The following LDB2 variants were observed in gnomAD, a reference collection of about 807,000 sequenced individuals.
LDB2 encodes the protein LIM domain binding 2, also known as LIM domain-binding protein 2.
A neutral mutation model predicts 44.3 loss-of-function variants in LDB2; 12 were observed. The observed-to-expected ratio is 0.27, with a 90% CI of 0.17 to 0.44. The LOEUF is 0.44. LDB2 is among the 20% of genes least tolerant of loss of function. The pLI, the probability that LDB2 is intolerant of heterozygous loss-of-function variation, is 1.00. For missense variants in LDB2, 344 were observed against 473.5 expected (o/e 0.73, Z 2.54); for synonymous variants, 164 against 174.8 (o/e 0.94, Z 0.49).
chr4:16,840,114 T>A (rs897319679), intron 1 of LDB2, among the ~76,000 whole-genome samples: 1 of 152,182 alleles, frequency 6.6e-6, no homozygotes, highest in Non-Finnish European at 1.5e-5. Flanking sequence ...GAAGGAAATA[T>A]AATCACTTCA....
At chr4:16,806,877 G>A (rs1778892063) in intron 1 of LDB2, among the ~76,000 whole-genome samples, 1 of 152,146 alleles carries the variant, frequency 6.6e-6, no homozygotes, top group Admixed American at 6.5e-5. Flanking sequence ...CTACACAATA[G>A]TGCTAATAAC....
At chr4:16,813,133 G>A (rs1460800316) in intron 1 of LDB2, among the ~76,000 whole-genome samples, 2 of 151,986 alleles carry the variant, frequency 1.3e-5, no homozygotes, top group African/African-American at 4.8e-5. Context: ...CTAGTAGCTG[G>A]GACTACCATG....
In LDB2 at chr4:16,755,536, AG is replaced by A. The variant is rs1561114736; in HGVS notation, c.235+3621del. ...GTGTGTGTGTGTGTATGTGAGAGAGAGAGAGACAGACAGACAGAGAGAGAGA... is the reference window on the plus strand; with the variant it reads ...GTGTGTGTGTGTGTATGTGAGAGAGAAGAGACAGACAGACAGAGAGAGAGA... On this transcript the variant is annotated intron_variant, in intron 2 of 7. Coordinates refer to ENST00000304523, the MANE Select transcript of LDB2 (RefSeq NM_001290.5). Among the ~76,000 whole-genome samples, 25 of 30,846 alleles carry A rather than the reference AG, an allele frequency of 8.1e-4. 1 individual carries two copies. Among genetic ancestry groups the A allele is most frequent in the Admixed American group, 3.2e-3 (9 of 2,846 alleles). 20.2% of individuals were successfully genotyped at this position (30,846 alleles called of 152,430 possible). A position where few individuals can be genotyped will look rare whatever the true frequency, so the allele number is the denominator to read the frequency against.
At chr4:16,652,059 T>C (rs1240153448) in intron 2 of LDB2, among the ~76,000 whole-genome samples, 2 of 152,132 alleles carry the variant, frequency 1.3e-5, no homozygotes, top group Admixed American at 6.5e-5. Flanking sequence ...CAGATGATTC[T>C]TCCCCCTCAA....
Position 16,854,090 on chromosome 4 carries a change from A to G in LDB2, c.132+44264T>C, listed in dbSNP as rs781131680. ...TTTGTACATGAGGACTATAGGTAAT[A>G]TAACTGTATGGTATAGTTGATTCTT... On this transcript the variant is annotated intron_variant, in intron 1 of 7. Coordinates refer to ENST00000304523, the MANE Select transcript of LDB2 (RefSeq NM_001290.5). Among the ~76,000 whole-genome samples the G allele has an allele frequency of 2.0e-5, 3 of 152,124 alleles. No homozygotes were observed. The South Asian group carries it at 6.2e-4, about 31-fold the overall frequency.
At chr4:16,840,997 G>C (rs1007359894) in intron 1 of LDB2, among the ~76,000 whole-genome samples, 9 of 152,036 alleles carry the variant, frequency 5.9e-5, no homozygotes, top group Non-Finnish European at 1.0e-4. Context: ...GGTTGCAGCA[G>C]TGTTTCCCCC....
intron 5 of LDB2, among the ~76,000 whole-genome samples, chr4:16,548,384 C>T (rs544862107): frequency 6.6e-6 from 1 of 152,180 alleles, no homozygotes; most frequent in East Asian, 1.9e-4. Context: ...CCTCTTTCCA[C>T]TCATTCTTTC....
chr4:16,666,802 T>C (rs1045080941), intron 2 of LDB2, among the ~76,000 whole-genome samples: 4 of 152,180 alleles, frequency 2.6e-5, no homozygotes, highest in Non-Finnish European at 5.9e-5. Flanking sequence ...GTGCAGTTTT[T>C]CCCCCTTGAC....
At chr4:16,867,358 T>C (rs1375988890) in intron 1 of LDB2, among the ~76,000 whole-genome samples, 2 of 152,096 alleles carry the variant, frequency 1.3e-5, no homozygotes, top group East Asian at 1.9e-4. Flanking sequence ...TAAAGATGGG[T>C]AGGTCAATTA....
At chr4:16,698,899 G>T (rs922780954) in intron 2 of LDB2, among the ~76,000 whole-genome samples, 30 of 152,110 alleles carry the variant, frequency 2.0e-4, no homozygotes, top group Non-Finnish European at 4.1e-4. Flanking sequence ...TAAAGTCTCA[G>T]CAATCAAAGG....
intron 2 of LDB2, among the ~76,000 whole-genome samples, chr4:16,635,077 T>C (rs2152500652): frequency 1.3e-5 from 2 of 152,066 alleles, no homozygotes; most frequent in African/African-American, 4.8e-5. Context: ...CACTCATAAG[T>C]GGGAGTTGAA....
chr4:16,677,208 A>G (rs1337143454), intron 2 of LDB2, among the ~76,000 whole-genome samples: 2 of 152,230 alleles, frequency 1.3e-5, no homozygotes, highest in African/African-American at 4.8e-5. Context: ...TGAATGGATA[A>G]CAGAAGGATG....
chr4:16,898,464 G>C lies in LDB2; in HGVS notation c.22C>G (p.Pro8Ala). The change falls in exon 1 of 8, where the codon CCC becomes GCC. Residue 8 changes from proline (P) to alanine (A), a missense_variant. Pro to Ala is a conservative substitution (Grantham distance 27, BLOSUM62 -1). This residue lies in a region of LDB2 where 226 missense variants were observed against 270.1 expected (regional missense o/e 0.84). Transcript: ENST00000304523. ...GGGCCGAAAGGAGAAGAATAGAAGG[G>C]GTCATGTGGTGTGCTGGACATCTTG... The part of the protein sequence containing the change: MSSTPHD[P>A]FYSSPFGPFY... The C allele has an allele frequency of 6.2e-7, 1 of 1,613,632 alleles. No individual in the cohort carries two copies. Among genetic ancestry groups the C allele is most frequent in the Non-Finnish European group, 8.5e-7 (1 of 1,179,904 alleles).
chr4:16,519,122 ACTTTT>A (rs1724985089), intron 5 of LDB2, among the ~76,000 whole-genome samples: 1 of 151,998 alleles, frequency 6.6e-6, no homozygotes, highest in Non-Finnish European at 1.5e-5. Context: ...GCTATATTTT[ACTTTT>A]CTTTTTATTT....
chr4:16,748,358 T>G (rs1231631895), intron 2 of LDB2, among the ~76,000 whole-genome samples: 2 of 152,146 alleles, frequency 1.3e-5, no homozygotes, highest in African/African-American at 4.8e-5. Context: ...TCTTCTGGAA[T>G]GAATAATAAA....
intron 1 of LDB2, among the ~76,000 whole-genome samples, chr4:16,838,370 A>G (rs890840871): frequency 1.3e-4 from 20 of 152,188 alleles, no homozygotes; most frequent in Middle Eastern, 3.2e-3. Context: ...GCATGTGACT[A>G]TGAGGGCACC....
intron 1 of LDB2, among the ~76,000 whole-genome samples, chr4:16,802,394 C>G (rs1024952179): frequency 6.6e-6 from 1 of 152,134 alleles, no homozygotes; most frequent in Admixed American, 6.5e-5. Context: ...AAACAAGCAG[C>G]CTGGAGTGAG....
At chr4:16,760,740 C>T (rs1227278907) in intron 1 of LDB2, among the ~76,000 whole-genome samples, 3 of 152,134 alleles carry the variant, frequency 2.0e-5, no homozygotes, top group Admixed American at 6.5e-5. Context: ...CATCTGAGAC[C>T]GTGGCACACG....
intron 2 of LDB2, among the ~76,000 whole-genome samples, chr4:16,745,485 A>G (rs1279919926): frequency 3.3e-5 from 5 of 152,238 alleles, no homozygotes; most frequent in Non-Finnish European, 7.3e-5. Flanking sequence ...CACAATGACA[A>G]ATGTAACAGT....
Sources: gnomAD v4.1 joint callset for allele counts (sites outside exome capture counted in the v4.1 genomes callset) on GRCh38, gnomAD v4.1.1 for gene constraint, gnomAD v4.1.1 regional missense constraint, MANE v1.5 for transcripts, NCBI Gene and HGNC (gene_info 2026-07-23, HGNC 2026-07-21) for gene names.